The following MARCHF1 variants were observed in gnomAD, a reference collection of about 807,000 sequenced individuals.
MARCHF1 encodes membrane associated ring-CH-type finger 1, also known as E3 ubiquitin-protein ligase MARCHF1.
MARCHF1 carries 40 observed loss-of-function variants against 54.2 expected under a neutral mutation model. The ratio of observed to expected loss-of-function variants is 0.74; its 90% CI spans 0.57 to 0.96. MARCHF1 has a LOEUF of 0.96. Ranked by LOEUF, MARCHF1 falls within the 40% of genes least tolerant of loss-of-function variation. MARCHF1 has a pLI of 0.00. For missense variants in MARCHF1, 586 were observed against 656.5 expected, an observed-to-expected ratio of 0.89 and a Z score of 1.17; for synonymous variants, 236 against 236.3, an observed-to-expected ratio of 1.00 and a Z score of 0.01.
intron 3 of MARCHF1, among the ~76,000 whole-genome samples, chr4:163,927,932 T>C (rs1036565876): frequency 6.6e-6 from 1 of 151,968 alleles, no homozygotes; most frequent in African/African-American, 2.4e-5. Flanking sequence ...AAATGAAGTA[T>C]AATAAATGAA....
intron 8 of MARCHF1, among the ~76,000 whole-genome samples, chr4:163,559,326 GT>G (rs1385729174): frequency 6.6e-6 from 1 of 152,136 alleles, no homozygotes; most frequent in Admixed American, 6.5e-5. Flanking sequence ...TGCAACTTTA[GT>G]TTTTGTATAT....
At chr4:164,284,984 C>A (rs1369279391) in intron 1 of MARCHF1, among the ~76,000 whole-genome samples, 1 of 143,196 alleles carries the variant, frequency 7.0e-6, no homozygotes, top group Non-Finnish European at 1.5e-5. Context: ...CTGATCACAT[C>A]ATAATACATT....
At chr4:164,372,582 G>T (rs994233505) in intron 1 of MARCHF1, among the ~76,000 whole-genome samples, 1 of 151,332 alleles carries the variant, frequency 6.6e-6, no homozygotes, top group African/African-American at 2.4e-5. Flanking sequence ...ATAAACCATT[G>T]AAAAAAATCC....
At chr4:164,044,525 G>A (rs929839432) in intron 2 of MARCHF1, among the ~76,000 whole-genome samples, 6 of 152,026 alleles carry the variant, frequency 3.9e-5, no homozygotes, top group Admixed American at 6.6e-5. Flanking sequence ...CTTCCAATTC[G>A]ACATGAGATT....
intron 2 of MARCHF1, among the ~76,000 whole-genome samples, chr4:164,067,741 A>G (rs1310960039): frequency 6.6e-6 from 1 of 152,208 alleles, no homozygotes; most frequent in Non-Finnish European, 1.5e-5. Context: ...GGTCCTAATT[A>G]AACTAAAGAG....
At chr4:164,194,354 G>A (rs905204751) in intron 1 of MARCHF1, among the ~76,000 whole-genome samples, 4 of 152,086 alleles carry the variant, frequency 2.6e-5, no homozygotes, top group Non-Finnish European at 5.9e-5. Flanking sequence ...CACTGCAGGT[G>A]GGAAAGGCAT....
At chr4:164,180,831 C>T (rs905672084) in intron 1 of MARCHF1, among the ~76,000 whole-genome samples, 6 of 152,272 alleles carry the variant, frequency 3.9e-5, no homozygotes, top group African/African-American at 1.4e-4. Context: ...ATTAGAACTG[C>T]TACATCCGCT....
intron 2 of MARCHF1, among the ~76,000 whole-genome samples, chr4:164,094,554 G>A (rs1479594694): frequency 6.6e-6 from 1 of 152,110 alleles, no homozygotes; most frequent in Non-Finnish European, 1.5e-5. Flanking sequence ...TTACCTAAGA[G>A]AGCAAGGGAA....
intron 9 of MARCHF1, among the ~76,000 whole-genome samples, chr4:163,538,329 T>A (rs1312390758): frequency 2.9e-5 from 3 of 104,716 alleles, no homozygotes; most frequent in South Asian, 2.6e-4. Flanking sequence ...AATTTATAAA[T>A]TTTTTTTTTT....
At chr4:164,021,314 G>T (rs1394635472) in intron 2 of MARCHF1, among the ~76,000 whole-genome samples, 1 of 152,066 alleles carries the variant, frequency 6.6e-6, no homozygotes, top group East Asian at 1.9e-4. Context: ...ATCTCTTACT[G>T]GGTCATGGTA....
chr4:164,168,945 G>A lies in MARCHF1; in HGVS notation c.-322-57283C>T, dbSNP rs188619098. On this transcript the variant is annotated intron_variant, in intron 1 of 9. Transcript: ENST00000514618. ...GCTACCATTACCACAGGGTGGGGAG[G>A]CATGGTTGACAGACATAGGTCAAAG... 3.0e-3 allele frequency among the ~76,000 whole-genome samples: 449 copies of A among 152,144 alleles called. 3 individuals are homozygous for A. Among genetic ancestry groups the A allele is most frequent in the African/African-American group, 1.0e-2 (414 of 41,540 alleles).
chr4:164,176,949 T>A lies in MARCHF1; in HGVS notation c.-322-65287A>T, dbSNP rs35601835. On this transcript the variant is annotated intron_variant, in intron 1 of 9. Coordinates refer to ENST00000514618, the MANE Select transcript of MARCHF1 (RefSeq NM_001394959.1). ...ATCTGAGTACCTTGTGCGCTCTCTC[T>A]CTCTCTCTCTCTCTCTCTCTCTCTC... is the stretch of plus-strand genomic sequence containing the variant. Among the ~76,000 whole-genome samples the A allele has an allele frequency of 5.7e-3, 107 of 18,734 alleles. 1 individual carries two copies. Among genetic ancestry groups the A allele is most frequent in the African/African-American group, 0.021 (101 of 4,780 alleles). The allele number at this position is 18,734 out of a possible 152,430, so 12.3% of individuals were successfully genotyped here.
intron 1 of MARCHF1, among the ~76,000 whole-genome samples, chr4:164,123,728 GA>G (rs923858752): frequency 4.6e-5 from 7 of 152,208 alleles, no homozygotes; most frequent in Admixed American, 3.3e-4. Flanking sequence ...AGTGGTTCTG[GA>G]AAAACTGGAT....
chr4:163,889,935 T>TTTTTTTTG, intron 3 of MARCHF1, among the ~76,000 whole-genome samples: 1 of 146,358 alleles, frequency 6.8e-6, no homozygotes, highest in African/African-American at 2.5e-5. Context: ...TCTTTTTTTT[T>TTTTTTTTG]TTTTTTTGAG....
intron 4 of MARCHF1, among the ~76,000 whole-genome samples, chr4:163,776,936 A>T (rs572484243): frequency 6.6e-6 from 1 of 152,180 alleles, no homozygotes; most frequent in Non-Finnish European, 1.5e-5. Flanking sequence ...TACCCTCAAG[A>T]TACAATGCCT....
chr4:163,618,848 G>C (rs1741592355), intron 5 of MARCHF1, among the ~76,000 whole-genome samples: 1 of 152,142 alleles, frequency 6.6e-6, no homozygotes, highest in South Asian at 2.1e-4. Flanking sequence ...ATACAGTCTG[G>C]TATATCCTGA....
intron 1 of MARCHF1, among the ~76,000 whole-genome samples, chr4:164,380,965 G>A (rs955080746): frequency 2.0e-5 from 3 of 152,162 alleles, no homozygotes; most frequent in African/African-American, 7.2e-5. Flanking sequence ...GGTAAAGGAC[G>A]TTTCGCTCTA....
At chr4:163,946,207 C>T (rs1353236054) in intron 3 of MARCHF1, among the ~76,000 whole-genome samples, 7 of 152,078 alleles carry the variant, frequency 4.6e-5, no homozygotes, top group Admixed American at 4.6e-4. Flanking sequence ...CTCAACGTCG[C>T]AAATATATTT....
At chr4:163,770,624 C>CAG (rs1747131196) in intron 4 of MARCHF1, among the ~76,000 whole-genome samples, 1 of 50,694 alleles carries the variant, frequency 2.0e-5, no homozygotes, top group Non-Finnish European at 7.1e-5. Flanking sequence ...TATACAGACT[C>CAG]TGAGAGTTTC....
Sources: gnomAD v4.1 joint callset for allele counts (sites outside exome capture counted in the v4.1 genomes callset) on GRCh38, gnomAD v4.1.1 for gene constraint, MANE v1.5 for transcripts, NCBI Gene and HGNC (gene_info 2026-07-23, HGNC 2026-07-21) for gene names.